The following IQCH variants were observed in gnomAD, a reference collection of about 807,000 sequenced individuals.
IQCH encodes IQ motif containing H.
A neutral mutation model predicts 117.0 loss-of-function variants in IQCH; 98 were observed. The ratio of observed to expected loss-of-function variants is 0.84; its 90% CI spans 0.71 to 0.99. The LOEUF is 0.99. Ranked by LOEUF, IQCH falls within the 50% of genes least tolerant of loss-of-function variation. IQCH has a pLI of 0.00. For synonymous variants in IQCH, 412 were observed against 448.2 expected (o/e 0.92, Z 1.02); for missense variants, 1,102 against 1,243.8 (o/e 0.89, Z 1.72).
At position 67,420,029 on chromosome 15, in the gene IQCH, CATT is replaced by C. The variant is rs574901089; in HGVS notation, c.2219-1261_2219-1259del. 2.0e-3 allele frequency among the ~76,000 whole-genome samples: 300 copies of C among 152,278 alleles called. 2 individuals carry two copies. Among genetic ancestry groups the C allele is most frequent in the Non-Finnish European group, 3.6e-3 (247 of 68,014 alleles). ...GTTTTTTACTTCTGTAGATTTTTGTCATTGTTGTTTTGTTGCATTTACCTTGCT... is the reference window on the plus strand; with the variant it reads ...GTTTTTTACTTCTGTAGATTTTTGTCGTTGTTTTGTTGCATTTACCTTGCT... On this transcript the variant is annotated intron_variant, in intron 15 of 20. Transcript: ENST00000335894.
chr15:67,460,770 T>C (rs1184230470), intron 16 of IQCH, among the ~76,000 whole-genome samples: 1 of 152,176 alleles, frequency 6.6e-6, no homozygotes, highest in African/African-American at 2.4e-5. Flanking sequence ...CCACTTCACT[T>C]TTCACACCAC....
intron 12 of IQCH, among the ~76,000 whole-genome samples, chr15:67,389,706 TGAG>T (rs560333790): frequency 8.5e-5 from 13 of 152,180 alleles, no homozygotes; most frequent in Non-Finnish European, 1.8e-4. Context: ...TATGCATTTT[TGAG>T]GAGACTTTTT....
chr15:67,468,391 G>A (rs1174046616), intron 17 of IQCH, among the ~76,000 whole-genome samples: 1 of 151,978 alleles, frequency 6.6e-6, no homozygotes, highest in East Asian at 1.9e-4. Flanking sequence ...AAATGCTTCG[G>A]GTTTGATTTT....
chr15:67,474,588 A>C lies in IQCH; in HGVS notation c.2677-1108A>C, dbSNP rs1341462834. Among the ~76,000 whole-genome samples the C allele has an allele frequency of 6.6e-6, 1 of 152,106 alleles. No homozygotes were observed. Among genetic ancestry groups the C allele is most frequent in the Non-Finnish European group, 1.5e-5 (1 of 68,008 alleles). ...ATGACAGCACTTTGGGCCTACTATC[A>C]CCAATCTCTTTGGCATGGCTTTCAC... On this transcript the variant is annotated intron_variant, in intron 17 of 20. Coordinates refer to ENST00000335894, the MANE Select transcript of IQCH (RefSeq NM_001031715.3). The surrounding 1 kb of genome is among the most constrained non-coding windows in gnomAD (Gnocchi z 4.1).
At position 67,417,919 on chromosome 15, in the gene IQCH, G is replaced by A. The variant is rs554221452; in HGVS notation, c.2218+868G>A. Among the ~76,000 whole-genome samples, 5 of 152,310 alleles carry A rather than the reference G, an allele frequency of 3.3e-5. No homozygotes were observed. The South Asian group carries it at 1.0e-3, about 32-fold the overall frequency. On this transcript the variant is annotated intron_variant, in intron 15 of 20. Coordinates refer to ENST00000335894, the MANE Select transcript of IQCH (RefSeq NM_001031715.3). The surrounding 1 kb of genome is among the most constrained non-coding windows in gnomAD (Gnocchi z 4.3). Reference sequence around the variant, plus strand: ...ATCAATAATGATAAGATAATGTCATGTCAGATGATAACAGCAGCAGCAATA... The same window carrying A: ...ATCAATAATGATAAGATAATGTCATATCAGATGATAACAGCAGCAGCAATA...
chr15:67,275,421 G>A (rs1373856042), intron 3 of IQCH, among the ~76,000 whole-genome samples: 2 of 151,848 alleles, frequency 1.3e-5, no homozygotes, highest in Non-Finnish European at 2.9e-5. Flanking sequence ...CCTCATCTTT[G>A]GGTTCTGGGT....
intron 16 of IQCH, among the ~76,000 whole-genome samples, chr15:67,441,922 C>T (rs1433429480): frequency 1.3e-5 from 2 of 151,928 alleles, no homozygotes; most frequent in Admixed American, 1.3e-4. Flanking sequence ...TTTTGCACAG[C>T]AACAGTCAGC....
rs532223902 is a variant in IQCH, at chr15:67,457,050, G to C, written c.2506-8077G>C. The stretch of plus-strand genomic sequence containing the variant: ...CCAAGAGGCTCAATTGCTGACCGGG[G>C]TGACTGCCCTGTACAGCGACAACTG... On this transcript the variant is annotated intron_variant, in intron 16 of 20. Transcript: ENST00000335894. The surrounding 1 kb of genome is among the most constrained non-coding windows in gnomAD (Gnocchi z 5.7). Among the ~76,000 whole-genome samples, 106 of 152,280 alleles carry C rather than the reference G, an allele frequency of 7.0e-4. No individual in the cohort carries two copies. The highest frequency in any genetic ancestry group is 2.5e-3 in the African/African-American group (103 of 41,546).
chr15:67,329,857 T>C (rs961747548), intron 4 of IQCH, among the ~76,000 whole-genome samples: 1 of 151,768 alleles, frequency 6.6e-6, no homozygotes, highest in Admixed American at 6.6e-5. Context: ...TATACACATA[T>C]ATAGTGAATT....
At chr15:67,429,933 C>T (rs1014668851) in intron 16 of IQCH, among the ~76,000 whole-genome samples, 4 of 152,126 alleles carry the variant, frequency 2.6e-5, no homozygotes, top group Non-Finnish European at 5.9e-5. Flanking sequence ...AAATGTAAGA[C>T]TTAAATATTG....
intron 5 of IQCH, among the ~76,000 whole-genome samples, chr15:67,338,887 C>A (rs1220683947): frequency 6.6e-6 from 1 of 152,162 alleles, no homozygotes; most frequent in East Asian, 1.9e-4. Flanking sequence ...TACTTAGCCA[C>A]CTAGGCCTTC....
Position 67,450,222 on chromosome 15 carries a change from C to G in IQCH, c.2506-14905C>G, listed in dbSNP as rs556246370. Among the ~76,000 whole-genome samples the G allele has an allele frequency of 5.9e-5, 9 of 152,254 alleles. No homozygotes were observed. In the South Asian group the frequency reaches 1.9e-3, roughly 32 times the overall value. On this transcript the variant is annotated intron_variant, in intron 16 of 20. Coordinates refer to ENST00000335894, the MANE Select transcript of IQCH (RefSeq NM_001031715.3). ...AATTGAATACCCTTTATTTCCTTCT[C>G]CTGCCTGATTGCCCTGGCCAGAACT...
chr15:67,264,356 C>A (rs1470790366), intron 3 of IQCH, among the ~76,000 whole-genome samples: 1 of 152,246 alleles, frequency 6.6e-6, no homozygotes, highest in Non-Finnish European at 1.5e-5. Context: ...GGTCAGGAAT[C>A]TGGGCACAGG....
At chr15:67,442,873 T>C (rs12916380) in intron 16 of IQCH, among the ~76,000 whole-genome samples, 3,070 of 119,926 alleles carry the variant, frequency 0.026, 43 homozygotes, top group East Asian at 0.055. Context: ...GATATACATA[T>C]ATATATATAT....
rs1038462434 is a variant in IQCH at position 67,369,584 on chromosome 15, G to A, written c.754-2527G>A. 1.3e-5 allele frequency among the ~76,000 whole-genome samples: 2 copies of A among 151,774 alleles called. No individual in the cohort carries two copies. Among genetic ancestry groups the A allele is most frequent in the Non-Finnish European group, 2.9e-5 (2 of 67,928 alleles). On this transcript the variant is annotated intron_variant, in intron 8 of 20. Transcript: ENST00000335894. The surrounding 1 kb of genome is among the most constrained non-coding windows in gnomAD (Gnocchi z 5.2). ...AAGGAAGGAGGGAGGAAAGAAGGCA[G>A]AGGAAAAGAAAAAGAAGGAAAGAAA...
chr15:67,428,878 CA>C (rs2081955627), intron 16 of IQCH, among the ~76,000 whole-genome samples: 1 of 148,770 alleles, frequency 6.7e-6, no homozygotes, highest in Middle Eastern at 3.5e-3. Flanking sequence ...GAGAGAGAGG[CA>C]GGGGGATCAT....
Position 67,381,490 on chromosome 15 carries a change from T to G in IQCH, c.1373-3446T>G, listed in dbSNP as rs575505047. On this transcript the variant is annotated intron_variant, in intron 10 of 20. Coordinates refer to ENST00000335894, the MANE Select transcript of IQCH (RefSeq NM_001031715.3). This position sits in a 1 kb window ranked among gnomAD's most constrained non-coding sequence, Gnocchi z 5.1. Reference sequence around the variant, plus strand: ...CCATAAGAAAAGAGGCTGTGATCCTTTCTATAGTGATGAGGAAGAGAGAGT... The same window carrying G: ...CCATAAGAAAAGAGGCTGTGATCCTGTCTATAGTGATGAGGAAGAGAGAGT... 1.3e-5 allele frequency among the ~76,000 whole-genome samples: 2 copies of G among 152,302 alleles called. No individual in the cohort carries two copies. The highest frequency in any genetic ancestry group is 1.9e-4 in the East Asian group (1 of 5,174).
rs2081931062 is a variant in IQCH at position 67,427,936 on chromosome 15, C to G, written c.2505+6359C>G. Among the ~76,000 whole-genome samples, 1 of 150,842 alleles carries G rather than the reference C, an allele frequency of 6.6e-6. No individual in the cohort carries two copies. The highest frequency in any genetic ancestry group is 1.5e-5 in the Non-Finnish European group (1 of 67,916). On this transcript the variant is annotated intron_variant, in intron 16 of 20. Transcript: ENST00000335894. The surrounding 1 kb of genome is among the most constrained non-coding windows in gnomAD (Gnocchi z 4.7). Reference sequence around the variant, plus strand: ...CTTTGCCTCCCAGGCTCAAGTGATTCTTGTGCCTTAGCCTCCTGAGTAGCT... The same window carrying G: ...CTTTGCCTCCCAGGCTCAAGTGATTGTTGTGCCTTAGCCTCCTGAGTAGCT...
rs1285777297 is a variant in IQCH, at chr15:67,366,368, C to T, written c.754-5743C>T. 6.6e-6 allele frequency among the ~76,000 whole-genome samples: 1 copy of T among 152,178 alleles called. No individual in the cohort carries two copies. The highest frequency in any genetic ancestry group is 1.9e-4 in the East Asian group (1 of 5,200). On this transcript the variant is annotated intron_variant, in intron 8 of 20. Transcript: ENST00000335894. This position sits in a 1 kb window ranked among gnomAD's most constrained non-coding sequence, Gnocchi z 4.4. ...CTCTAGAAGGAAATTTCACATTTGA[C>T]TGAAAATAGACCATCTATTTACAAA...
Sources: gnomAD v4.1 joint callset for allele counts (sites outside exome capture counted in the v4.1 genomes callset) on GRCh38, gnomAD v4.1.1 for gene constraint, Gnocchi (gnomAD v3.1) non-coding constraint, MANE v1.5 for transcripts, NCBI Gene and HGNC (gene_info 2026-07-23, HGNC 2026-07-21) for gene names.